CCDC81: variants seen among roughly 807,000 people sequenced by gnomAD.
CCDC81 encodes coiled-coil domain-containing protein 81.
In CCDC81, 79 loss-of-function variants were observed where a neutral mutation model predicts 83.7. The observed-to-expected ratio is 0.94, with a 90% CI of 0.79 to 1.14. The LOEUF is 1.14. Ranked by LOEUF, CCDC81 falls within the 50% of genes most tolerant of loss-of-function variation. The probability of loss-of-function intolerance (pLI) is 0.00; values close to 1 mark genes in which losing one functional copy is unlikely to be tolerated. For synonymous variants in CCDC81, 252 were observed against 278.1 expected (o/e 0.91, Z 0.93); for missense variants, 791 against 778.1 (o/e 1.02, Z -0.20).
intron 2 of CCDC81, among the ~76,000 whole-genome samples, 191 bp from the exon 3 acceptor site, chr11:86,387,325 A>G (rs563195097): frequency 1.3e-5 from 2 of 152,374 alleles, no homozygotes; most frequent in Middle Eastern, 3.4e-3. Context: ...GGACCAATGT[A>G]TTACATTTTA....
At chr11:86,419,264 T>A (rs1948758614) in intron 13 of CCDC81, 1 of 152,174 alleles carries the variant, frequency 6.6e-6, no homozygotes. Flanking sequence ...GAACCAGGCT[T>A]AAGGTGATTC....
chr11:86,379,146 G>GAGTGC (rs1259304266), intron 1 of CCDC81, among the ~76,000 whole-genome samples: 1 of 151,540 alleles, frequency 6.6e-6, no homozygotes, highest in East Asian at 1.9e-4. Context: ...ACCCAGGCTG[G>GAGTGC]AGTGCAGTGG....
intron 10 of CCDC81, among the ~76,000 whole-genome samples, chr11:86,412,172 C>T (rs953692916): frequency 7.2e-5 from 11 of 152,208 alleles, no homozygotes; most frequent in African/African-American, 2.7e-4. Flanking sequence ...CTAGACCAAA[C>T]CCCTGGTGTT....
rs1948767082 is a variant in CCDC81, at chr11:86,419,940, C to T, written c.1704C>T (p.Asp568=). The change falls in exon 14 of 15, where the codon GAC becomes GAT. Residue 568 remains aspartate, a synonymous_variant. Transcript: ENST00000445632. The stretch of plus-strand genomic sequence containing the variant: ...CTTTTCTCTCCAGGCACTTGGCAGA[C>T]AGAACCGCTGAGCTGGAGCGAGTAA... ...LQRTQREHLA[D]RTAELERVNR... is the part of the protein sequence containing the mutation. The T allele has an allele frequency of 6.2e-7, 1 of 1,612,226 alleles. No individual in the cohort carries two copies. The highest frequency in any genetic ancestry group is 8.5e-7 in the Non-Finnish European group (1 of 1,179,196).
chr11:86,386,857 G>A (rs1593911831), intron 2 of CCDC81, among the ~76,000 whole-genome samples: 2 of 152,130 alleles, frequency 1.3e-5, no homozygotes, highest in African/African-American at 4.8e-5. Context: ...CACATTTGGA[G>A]CTCAAGATGT....
chr11:86,387,787 C>G, intron 3 of CCDC81, 115 bp downstream of exon 3: 1 of 735,230 alleles, frequency 1.4e-6, no homozygotes, highest in East Asian at 2.8e-5. Context: ...GAGGAACTCA[C>G]TTTTCACAAG....
In CCDC81 at chr11:86,409,364, A is replaced by G; in HGVS notation, c.1217A>G (p.Tyr406Cys). Residue 406 changes from tyrosine to cysteine, a missense_variant and splice_region_variant, in exon 10 of 15, where the codon TAT becomes TGT. Coordinates refer to ENST00000445632, the MANE Select transcript of CCDC81 (RefSeq NM_001156474.2). ...RNHKNEKPEF[Y>C]KSFLFDKRPL... ...CACAAGAATGAGAAACCGGAATTTT[A>G]TGTAAGTCTTTTAAAAATTTCTGTT... 6.7e-7 allele frequency: 1 copy of G among 1,491,370 alleles called. No homozygotes were observed. The highest frequency in any genetic ancestry group is 9.0e-7 in the Non-Finnish European group (1 of 1,109,084). 92.4% of individuals were successfully genotyped at this position (1,491,370 alleles called of 1,614,324 possible). A position where few individuals can be genotyped will look rare whatever the true frequency, so the allele number is the denominator to read the frequency against.
At chr11:86,397,524 A>G in intron 5 of CCDC81, 97 bp from the exon 6 acceptor site, 1 of 1,448,342 alleles carries the variant, frequency 6.9e-7, no homozygotes, top group Non-Finnish European at 9.3e-7. Flanking sequence ...TTATTTCAGA[A>G]TCAGCCAGCT....
At position 86,408,289 on chromosome 11, in the gene CCDC81, T is replaced by A; in HGVS notation, c.1113+19T>A. 1 of 1,595,250 alleles carries A rather than the reference T, an allele frequency of 6.3e-7. No homozygotes were observed. Among genetic ancestry groups the A allele is most frequent in the South Asian group, 1.1e-5 (1 of 87,404 alleles). The stretch of plus-strand genomic sequence containing the variant: ...ACACCAGGTAGTCCAACACCTCGAT[T>A]AGTCTTTAATATGGGGCAATAGAAC... On this transcript the variant is annotated intron_variant, in intron 9 of 14. Transcript: ENST00000445632.
rs1948079423 is a variant in CCDC81 at position 86,374,984 on chromosome 11, A to G, written c.-180A>G. On this transcript the variant is annotated 5_prime_UTR_variant, in exon 1 of 15. Coordinates refer to ENST00000445632, the MANE Select transcript of CCDC81 (RefSeq NM_001156474.2). ...ACGGCGAGAACCAATGTTTAAGTTT[A>G]TTTAAGAAAGAAGAAAAAGAGTCAA... 1.5e-6 allele frequency: 1 copy of G among 664,604 alleles called. No individual in the cohort carries two copies. The highest frequency in any genetic ancestry group is 2.7e-6 in the Non-Finnish European group (1 of 368,696). 41.2% of individuals were successfully genotyped at this position (664,604 alleles called of 1,614,324 possible). A position where few individuals can be genotyped will look rare whatever the true frequency, so the allele number is the denominator to read the frequency against.
At chr11:86,391,704 A>T (rs958140623) in intron 3 of CCDC81, among the ~76,000 whole-genome samples, 1 of 152,232 alleles carries the variant, frequency 6.6e-6, no homozygotes, top group African/African-American at 2.4e-5. Context: ...ACTTGTAGGT[A>T]TTTGTAATCA....
intron 10 of CCDC81, among the ~76,000 whole-genome samples, chr11:86,410,216 A>G (rs1452492305): frequency 6.6e-6 from 1 of 152,150 alleles, no homozygotes; most frequent in African/African-American, 2.4e-5. Flanking sequence ...TCCTCTTTAT[A>G]TATCACCATC....
chr11:86,400,123 T>C (rs1948465589), intron 6 of CCDC81, among the ~76,000 whole-genome samples: 1 of 125,744 alleles, frequency 8.0e-6, no homozygotes, highest in Admixed American at 8.6e-5. Flanking sequence ...AGAGTCAGAC[T>C]CCATCTCAAA....
At position 86,375,101 on chromosome 11, in the gene CCDC81, C is replaced by A; in HGVS notation, c.-63C>A. 1 of 1,388,258 alleles carries A rather than the reference C, an allele frequency of 7.2e-7. No individual in the cohort carries two copies. The highest frequency in any genetic ancestry group is 1.0e-6 in the Non-Finnish European group (1 of 974,562). 86.0% of individuals were successfully genotyped at this position (1,388,258 alleles called of 1,614,324 possible). Reference sequence around the variant, plus strand: ...AGGGTGGGAAAATTATTTTTGTGCACATTCCATATAAGAAAGAAGAGACCC... The same window carrying A: ...AGGGTGGGAAAATTATTTTTGTGCAAATTCCATATAAGAAAGAAGAGACCC... On this transcript the variant is annotated 5_prime_UTR_variant, in exon 1 of 15. Transcript: ENST00000445632.
intron 1 of CCDC81, among the ~76,000 whole-genome samples, chr11:86,381,638 T>C (rs918431259): frequency 3.9e-5 from 6 of 152,212 alleles, no homozygotes; most frequent in Admixed American, 6.5e-5. Flanking sequence ...TGCCTTTCTG[T>C]CTCTCCAATT....
intron 13 of CCDC81, among the ~76,000 whole-genome samples, chr11:86,418,879 A>C (rs894656403): frequency 2.7e-5 from 4 of 148,406 alleles, no homozygotes; most frequent in Non-Finnish European, 5.9e-5. Context: ...TTTAAACCAC[A>C]AAAAAAAAAT....
Position 86,386,056 on chromosome 11 carries a change from T to A in CCDC81, c.85T>A (p.Ser29Thr), listed in dbSNP as rs746435140. The A allele has an allele frequency of 5.1e-5, 78 of 1,524,202 alleles. No individual in the cohort carries two copies. The highest frequency in any genetic ancestry group is 6.9e-5 in the Non-Finnish European group (77 of 1,119,904). The allele number at this position is 1,524,202 out of a possible 1,614,324, so 94.4% of individuals were successfully genotyped here. A position where few individuals can be genotyped will look rare whatever the true frequency, so the allele number is the denominator to read the frequency against. The change falls in exon 2 of 15, where the codon TCT (serine) becomes ACT (threonine). Residue 29 changes from serine (S) to threonine (T), a missense_variant. Ser to Thr is a moderately conservative substitution (Grantham distance 58). Transcript: ENST00000445632. ...TGGTTACTTTTGAATTTCAGAAGTC[T>A]CTATTATCTGGGGGAATGTATCAGA... is the stretch of plus-strand genomic sequence containing the variant. ...TLPSLSQEEV[S>T]IIWGNVSEFV...
intron 14 of CCDC81, among the ~76,000 whole-genome samples, chr11:86,420,677 T>G (rs1948778150): frequency 6.6e-6 from 1 of 152,256 alleles, no homozygotes. Flanking sequence ...AATAATAGTT[T>G]AAATTGCCAA....
intron 7 of CCDC81, among the ~76,000 whole-genome samples, chr11:86,405,861 C>T (rs1053090759): frequency 3.3e-5 from 5 of 151,328 alleles, no homozygotes; most frequent in Admixed American, 2.6e-4. Flanking sequence ...CTCCCACGCT[C>T]AACCAATTCT....
Sources: gnomAD v4.1 joint callset for allele counts (sites outside exome capture counted in the v4.1 genomes callset) on GRCh38, gnomAD v4.1.1 for gene constraint, MANE v1.5 for transcripts, NCBI Gene and HGNC (gene_info 2026-07-23, HGNC 2026-07-21) for gene names.